Variants in GRIA3 observed in about 807,000 individuals in gnomAD.
GRIA3 encodes the protein glutamate receptor 3.
GRIA3 carries 3 observed loss-of-function variants against 63.0 expected under a neutral mutation model. The ratio of observed to expected loss-of-function variants is 0.05; its 90% CI spans 0.02 to 0.12. The LOEUF is 0.12. Ranked by LOEUF, GRIA3 falls within the 10% of genes least tolerant of loss-of-function variation. GRIA3 has a pLI of 1.00. For missense variants in GRIA3, 347 were observed against 700.9 expected (o/e 0.50, Z 5.70); for synonymous variants, 274 against 257.9 (o/e 1.06, Z -0.60).
At chrX:123,369,534 TC>T (rs1157953466) in intron 5 of GRIA3, among the ~76,000 whole-genome samples, 1 of 112,180 alleles carries the variant, frequency 8.9e-6, no homozygotes, top group Admixed American at 9.5e-5. Flanking sequence ...GCCTCAATTT[TC>T]AAAATGTTGT....
At chrX:123,244,030 G>C (rs924038112) in intron 2 of GRIA3, among the ~76,000 whole-genome samples, 2 of 112,646 alleles carry the variant, frequency 1.8e-5, no homozygotes, top group African/African-American at 6.4e-5. Context: ...GCCTGCATTT[G>C]CTAGCAGTTA....
At chrX:123,441,120 G>C (rs1398746979) in intron 12 of GRIA3, among the ~76,000 whole-genome samples, 3 of 111,719 alleles carry the variant, frequency 2.7e-5, no homozygotes, top group Admixed American at 9.6e-5. Flanking sequence ...AAATTATTTG[G>C]AGGGAGAAAA....
intron 12 of GRIA3, 66 bp from the exon 13 acceptor site, chrX:123,464,799 A>G (rs899866162): frequency 9.6e-7 from 1 of 1,047,031 alleles, no homozygotes; most frequent in Non-Finnish European, 1.3e-6. Context: ...AAAAAAAACT[A>G]CTGCACTAAC....
chrX:123,408,993 T>G, intron 10 of GRIA3, among the ~76,000 whole-genome samples: 1 of 112,355 alleles, frequency 8.9e-6, no homozygotes, highest in East Asian at 2.8e-4. Flanking sequence ...AGTTTTCAAC[T>G]TCTCTATCAA....
At chrX:123,354,873 T>C (rs911317593) in intron 4 of GRIA3, 37 bp from the exon 5 acceptor site, 4 of 1,080,700 alleles carry the variant, frequency 3.7e-6, no homozygotes, top group Non-Finnish European at 5.1e-6. Flanking sequence ...AATGTCCTTC[T>C]TGAATAAGCA....
At chrX:123,374,780 C>T (rs893653325) in intron 5 of GRIA3, among the ~76,000 whole-genome samples, 49 of 111,869 alleles carry the variant, frequency 4.4e-4, no homozygotes, top group Non-Finnish European at 7.9e-4. Flanking sequence ...TCTAAATATA[C>T]AATCATGCCA....
At chrX:123,365,535 C>T (rs907491369) in intron 5 of GRIA3, among the ~76,000 whole-genome samples, 3 of 111,406 alleles carry the variant, frequency 2.7e-5, no homozygotes, top group Non-Finnish European at 5.7e-5. Flanking sequence ...GGACTCATTG[C>T]AGTCCTTTGA....
At chrX:123,434,594 G>A (rs2045635174) in intron 12 of GRIA3, among the ~76,000 whole-genome samples, 1 of 111,331 alleles carries the variant, frequency 9.0e-6, no homozygotes, top group African/African-American at 3.3e-5. Flanking sequence ...ACTTTCCTAT[G>A]TTATATAATA....
At chrX:123,276,752 C>T (rs1232777036) in intron 3 of GRIA3, among the ~76,000 whole-genome samples, 3 of 111,574 alleles carry the variant, frequency 2.7e-5, no homozygotes, top group African/African-American at 9.8e-5. Context: ...TGACATAATT[C>T]TGCCAGAGAA....
chrX:123,403,207 G>A (rs2045452352), intron 8 of GRIA3, 109 bp downstream of exon 8: 2 of 599,813 alleles, frequency 3.3e-6, no homozygotes, highest in Non-Finnish European at 5.8e-6. Flanking sequence ...AAGGATGAGT[G>A]GGAGATGGGA....
intron 5 of GRIA3, among the ~76,000 whole-genome samples, chrX:123,369,288 A>C (rs1240217223): frequency 3.6e-5 from 4 of 112,612 alleles, no homozygotes; most frequent in Non-Finnish European, 5.6e-5. Flanking sequence ...AAGGATAGGC[A>C]GAAGAGAGCC....
At chrX:123,356,399 T>C (rs1230345713) in intron 5 of GRIA3, among the ~76,000 whole-genome samples, 1 of 110,462 alleles carries the variant, frequency 9.1e-6, no homozygotes, top group African/African-American at 3.3e-5. Flanking sequence ...CAGCAAGGTT[T>C]ATAGCACAGT....
chrX:123,253,167 G>A lies in GRIA3; in HGVS notation c.269-136G>A. 9.3e-6 allele frequency: 6 copies of A among 644,151 alleles called. No homozygotes were observed. The South Asian group carries it at 1.4e-4, about 15-fold the overall frequency. The allele number at this position is 644,151 out of a possible 1,213,427, so 53.1% of individuals were successfully genotyped here. ...CCCTTTCTTACTCTTCTCCTGTTGG[G>A]TAACTGGGTTTTCAGGGGCTTCTTT... On this transcript the variant is annotated intron_variant, in intron 2 of 15. Transcript: ENST00000620443.
intron 1 of GRIA3, among the ~76,000 whole-genome samples, chrX:123,185,508 A>AGGGGGGGGGGGGGGGG (rs3216834): frequency 9.8e-5 from 4 of 40,960 alleles, no homozygotes; most frequent in Non-Finnish European, 1.0e-4. Context: ...CGGGGGGCGG[A>AGGGGGGGGGGGGGGGG]GGGGGGGGGC....
intron 13 of GRIA3, among the ~76,000 whole-genome samples, chrX:123,478,167 G>A (rs1182544798): frequency 8.9e-6 from 1 of 111,733 alleles, no homozygotes; most frequent in African/African-American, 3.3e-5. Flanking sequence ...GGAAGAGAGA[G>A]AAGAGCATCA....
chrX:123,251,655 C>T (rs766063871), intron 2 of GRIA3, among the ~76,000 whole-genome samples: 3 of 111,378 alleles, frequency 2.7e-5, no homozygotes, highest in South Asian at 7.8e-4. Flanking sequence ...AGGGTGGTCT[C>T]GATCTCCTGA....
At chrX:123,283,003 A>T (rs973249779) in intron 3 of GRIA3, among the ~76,000 whole-genome samples, 1 of 112,157 alleles carries the variant, frequency 8.9e-6, no homozygotes, top group Non-Finnish European at 1.9e-5. Context: ...AGTGAGATCA[A>T]CACAGAAGGC....
At chrX:123,270,573 T>C (rs1037688648) in intron 3 of GRIA3, among the ~76,000 whole-genome samples, 2 of 112,213 alleles carry the variant, frequency 1.8e-5, no homozygotes, top group African/African-American at 6.5e-5. Context: ...ACAGGACACA[T>C]GGTCTGAAAA....
intron 11 of GRIA3, among the ~76,000 whole-genome samples, chrX:123,421,426 C>A (rs1320716326): frequency 8.9e-6 from 1 of 111,994 alleles, no homozygotes; most frequent in Admixed American, 9.5e-5. Context: ...TTAGAAATTT[C>A]TGATAATAAC....
Sources: allele counts gnomAD v4.1 joint callset (sites outside exome capture counted in the v4.1 genomes callset), GRCh38; gene constraint gnomAD v4.1.1; transcripts MANE v1.5; gene names NCBI Gene and HGNC (gene_info 2026-07-23, HGNC 2026-07-21).